DPP6: variants seen among roughly 807,000 people sequenced by gnomAD.
The protein encoded by DPP6 is dipeptidyl peptidase like 6, also known as A-type potassium channel modulatory protein DPP6.
DPP6 carries 69 observed loss-of-function variants against 122.6 expected under a neutral mutation model. That is an observed-to-expected ratio of 0.56 (90% confidence interval 0.46 to 0.69). DPP6 has a LOEUF of 0.69. Ranked by LOEUF, DPP6 falls within the 30% of genes least tolerant of loss-of-function variation. The pLI, the probability that DPP6 is intolerant of heterozygous loss-of-function variation, is 0.00. For missense variants in DPP6, 928 were observed against 1,116.9 expected (o/e 0.83, Z 2.41); for synonymous variants, 418 against 433.1 (o/e 0.97, Z 0.43).
intron 1 of DPP6, among the ~76,000 whole-genome samples, chr7:154,117,236 T>G (rs1807054878): frequency 6.6e-6 from 1 of 152,160 alleles, no homozygotes; most frequent in African/African-American, 2.4e-5. Flanking sequence ...TGGTTACAAA[T>G]TAGTAACTCA....
intron 6 of DPP6, among the ~76,000 whole-genome samples, chr7:154,654,403 ATCTTTCTT>A (rs532655926): frequency 5.4e-5 from 2 of 37,280 alleles, no homozygotes; most frequent in African/African-American, 1.2e-4. Context: ...CTATATCCAA[ATCTTTCTT>A]TCTTTCTTTC....
chr7:154,540,968 C>T (rs1010416913), intron 4 of DPP6, among the ~76,000 whole-genome samples: 1 of 152,088 alleles, frequency 6.6e-6, no homozygotes, highest in East Asian at 1.9e-4. Flanking sequence ...TTTGCTCAAT[C>T]CTGTTTAAAA....
chr7:154,482,832 G>A (rs1253976452), intron 3 of DPP6, among the ~76,000 whole-genome samples: 1 of 151,702 alleles, frequency 6.6e-6, no homozygotes, highest in African/African-American at 2.4e-5. Context: ...TATAGAAATG[G>A]AACACCAGGG....
At chr7:154,605,022 CTT>C (rs5888579) in intron 5 of DPP6, among the ~76,000 whole-genome samples, 73,775 of 109,136 alleles carry the variant, frequency 0.68, 31,551 homozygotes, top group Non-Finnish European at 0.84. Flanking sequence ...TTTGGTATCT[CTT>C]TTTTTTTTTT....
rs71182854 is a variant in DPP6, at chr7:153,928,396, ATT to A, written c.51+40686_51+40687del. Among the ~76,000 whole-genome samples the A allele has an allele frequency of 8.1e-3, 353 of 43,658 alleles. 1 individual carries two copies. The highest frequency in any genetic ancestry group is 0.023 in the East Asian group (36 of 1,590). The allele number at this position is 43,658 out of a possible 152,430, so 28.6% of individuals were successfully genotyped here. Reference sequence around the variant, plus strand: ...CTGGCTAATTTTTTTCTTTTCTTTCATTTTTTTTTTTTTTTTTTTTTTTTTGG... The same window carrying A: ...CTGGCTAATTTTTTTCTTTTCTTTCATTTTTTTTTTTTTTTTTTTTTTTGG... On this transcript the variant is annotated intron_variant, in intron 1 of 25. Coordinates refer to the DPP6 transcript ENST00000404039.
At chr7:153,781,591 G>A in the DPP6 span, among the ~76,000 whole-genome samples, 3 of 152,172 alleles carry the variant, frequency 2.0e-5, no homozygotes, top group Non-Finnish European at 4.4e-5. Context: ...AAGCTTTTCT[G>A]CTCATCTTAG....
chr7:154,269,175 G>A (rs10269801), intron 1 of DPP6, among the ~76,000 whole-genome samples: 98,999 of 151,344 alleles, frequency 0.65, 33,248 homozygotes, highest in African/African-American at 0.8. Flanking sequence ...CTGAGATAAC[G>A]TAATTTTCAT....
chr7:154,101,037 C>T (rs1179049617), intron 1 of DPP6, among the ~76,000 whole-genome samples: 3 of 127,382 alleles, frequency 2.4e-5, no homozygotes, highest in African/African-American at 7.9e-5. Context: ...GTGTTTACCT[C>T]TTCGGCCTTT....
At chr7:154,178,946 G>A (rs1797943020) in intron 1 of DPP6, among the ~76,000 whole-genome samples, 1 of 152,228 alleles carries the variant, frequency 6.6e-6, no homozygotes, top group Non-Finnish European at 1.5e-5. Context: ...GGAATGTTGA[G>A]TGAGGCTCTC....
intron 1 of DPP6, among the ~76,000 whole-genome samples, chr7:154,143,507 A>C (rs1228346480): frequency 6.6e-6 from 1 of 150,832 alleles, no homozygotes; most frequent in African/African-American, 2.5e-5. Context: ...AATTACAGGT[A>C]AACAAACAAA....
chr7:154,882,667 C>G (rs980416742), intron 21 of DPP6, among the ~76,000 whole-genome samples: 1 of 150,192 alleles, frequency 6.7e-6, no homozygotes, highest in Non-Finnish European at 1.5e-5. Context: ...AGTTTCCCCC[C>G]CGACACCGAA....
intron 2 of DPP6, among the ~76,000 whole-genome samples, chr7:154,462,612 A>C (rs528315102): frequency 6.6e-6 from 1 of 151,550 alleles, no homozygotes; most frequent in Non-Finnish European, 1.5e-5. Flanking sequence ...ATTTTATTTT[A>C]TTTGCAGTGA....
At chr7:154,103,452 C>T (rs1440186878) in intron 1 of DPP6, among the ~76,000 whole-genome samples, 1 of 152,098 alleles carries the variant, frequency 6.6e-6, no homozygotes, top group African/African-American at 2.4e-5. Flanking sequence ...ACAAGTGCAC[C>T]CCTGCTTGGC....
intron 7 of DPP6, among the ~76,000 whole-genome samples, chr7:154,685,615 T>C (rs1839552659): frequency 1.3e-5 from 2 of 152,170 alleles, no homozygotes; most frequent in African/African-American, 2.4e-5. Flanking sequence ...TAGAATCTCT[T>C]AGATTATATT....
At chr7:154,814,187 A>G (rs141369726) in intron 16 of DPP6, among the ~76,000 whole-genome samples, 1,541 of 152,220 alleles carry the variant, frequency 0.01, 22 homozygotes, top group African/African-American at 0.032. Flanking sequence ...TGGCCTGAAA[A>G]GTACATTTCT....
chr7:153,756,661 A>C, the DPP6 span, among the ~76,000 whole-genome samples: 1 of 152,166 alleles, frequency 6.6e-6, no homozygotes. Flanking sequence ...TGGAAGAAAT[A>C]AGAAAGAGTA....
the DPP6 span, among the ~76,000 whole-genome samples, chr7:153,803,925 C>A: frequency 6.6e-6 from 1 of 150,814 alleles, no homozygotes; most frequent in African/African-American, 2.4e-5. Flanking sequence ...CCCTAATACA[C>A]AAACTCTTTA....
intron 1 of DPP6, among the ~76,000 whole-genome samples, chr7:154,384,314 G>C (rs1334049848): frequency 6.6e-6 from 1 of 152,180 alleles, no homozygotes; most frequent in East Asian, 1.9e-4. Context: ...TCAAGGCATT[G>C]TGGCATCCAA....
intron 1 of DPP6, among the ~76,000 whole-genome samples, chr7:154,229,577 G>C (rs1585685201): frequency 6.6e-6 from 1 of 152,128 alleles, no homozygotes; most frequent in East Asian, 1.9e-4. Flanking sequence ...TTACCACTGA[G>C]GGCTTCATCT....
Sources: gnomAD v4.1 joint callset for allele counts (sites outside exome capture counted in the v4.1 genomes callset) on GRCh38, gnomAD v4.1.1 for gene constraint, MANE v1.5 for transcripts, NCBI Gene and HGNC (gene_info 2026-07-23, HGNC 2026-07-21) for gene names.